IQCM: variants seen among roughly 807,000 people sequenced by gnomAD.
IQCM encodes the protein IQ domain-containing protein M.
In IQCM, 45 loss-of-function variants were observed where a neutral mutation model predicts 57.6. The ratio of observed to expected loss-of-function variants is 0.78; its 90% CI spans 0.62 to 1.00. IQCM has a LOEUF of 1.00. Among genes scored for constraint, IQCM ranks in the 50% least tolerant of loss-of-function variants. The probability of loss-of-function intolerance (pLI) is 0.00; values close to 1 mark genes in which losing one functional copy is unlikely to be tolerated. For missense variants in IQCM, 468 were observed against 511.6 expected, an observed-to-expected ratio of 0.91 and a Z score of 0.82; for synonymous variants, 148 against 158.9, an observed-to-expected ratio of 0.93 and a Z score of 0.51.
At chr4:149,360,558 C>A (rs930042355) in intron 13 of IQCM, among the ~76,000 whole-genome samples, 4 of 152,002 alleles carry the variant, frequency 2.6e-5, no homozygotes, top group Non-Finnish European at 4.4e-5. Flanking sequence ...GTGGGAGGGA[C>A]CCAGGGGGAG....
chr4:149,651,214 A>G (rs954452118), intron 7 of IQCM, among the ~76,000 whole-genome samples: 3 of 152,184 alleles, frequency 2.0e-5, no homozygotes, highest in Admixed American at 2.0e-4. Context: ...GAGCAAATCC[A>G]TTTGAGAAAA....
chr4:149,610,003 T>C (rs1176114422), intron 8 of IQCM, among the ~76,000 whole-genome samples: 3 of 151,776 alleles, frequency 2.0e-5, no homozygotes, highest in Non-Finnish European at 4.4e-5. Context: ...ACCAAAAAAA[T>C]ATTAGAACTG....
At chr4:149,667,549 G>A (rs998317238) in intron 7 of IQCM, among the ~76,000 whole-genome samples, 6 of 152,004 alleles carry the variant, frequency 3.9e-5, no homozygotes, top group African/African-American at 1.4e-4. Flanking sequence ...CTCCTCCCCA[G>A]CAAGGGAACA....
chr4:149,355,194 A>G (rs1728872587), intron 13 of IQCM, among the ~76,000 whole-genome samples: 1 of 152,190 alleles, frequency 6.6e-6, no homozygotes, highest in African/African-American at 2.4e-5. Context: ...GAATACAAAT[A>G]TAAGTACACA....
chr4:149,648,942 T>A (rs1758906066), intron 7 of IQCM, among the ~76,000 whole-genome samples: 1 of 151,312 alleles, frequency 6.6e-6, no homozygotes, highest in South Asian at 2.1e-4. Flanking sequence ...AAAGAAAAAA[T>A]AATTTGCGTA....
intron 13 of IQCM, among the ~76,000 whole-genome samples, chr4:149,359,970 C>T (rs1273765432): frequency 1.3e-5 from 2 of 152,074 alleles, no homozygotes; most frequent in Admixed American, 6.6e-5. Flanking sequence ...TAGCTGAGAG[C>T]TTTCTGGGTC....
At chr4:149,648,151 T>C (rs1220990271) in intron 7 of IQCM, among the ~76,000 whole-genome samples, 3 of 152,232 alleles carry the variant, frequency 2.0e-5, no homozygotes, top group Non-Finnish European at 2.9e-5. Context: ...ACATGGAATA[T>C]AATTGCTTTA....
intron 2 of IQCM, among the ~76,000 whole-genome samples, chr4:149,813,551 A>T (rs1774787043): frequency 6.6e-6 from 1 of 152,084 alleles, no homozygotes; most frequent in Non-Finnish European, 1.5e-5. Context: ...AGCAGTACCA[A>T]TTTCTCTAAA....
intron 9 of IQCM, 27 bp from the exon 10 acceptor site, chr4:149,563,917 T>C (rs1750371279): frequency 4.5e-6 from 5 of 1,100,874 alleles, no homozygotes; most frequent in Non-Finnish European, 5.8e-6. Flanking sequence ...TTTCTTATTA[T>C]ACATAATATG....
chr4:149,632,694 C>G (rs763672168), intron 7 of IQCM, among the ~76,000 whole-genome samples: 4 of 152,166 alleles, frequency 2.6e-5, no homozygotes, highest in Non-Finnish European at 5.9e-5. Context: ...CTTTACTACT[C>G]TCCTAGTCAG....
intron 5 of IQCM, among the ~76,000 whole-genome samples, chr4:149,697,517 C>G (rs917658892): frequency 2.1e-4 from 32 of 152,088 alleles, no homozygotes; most frequent in African/African-American, 7.7e-4. Context: ...TATTTATACC[C>G]TGGGAGTCAG....
intron 8 of IQCM, among the ~76,000 whole-genome samples, chr4:149,598,030 A>T (rs1244947613): frequency 1.3e-5 from 2 of 152,186 alleles, no homozygotes; most frequent in African/African-American, 4.8e-5. Flanking sequence ...CAGAAGACAG[A>T]AGAATGATAA....
chr4:149,730,764 A>G (rs550752168), intron 5 of IQCM, among the ~76,000 whole-genome samples: 1 of 152,242 alleles, frequency 6.6e-6, no homozygotes, highest in Non-Finnish European at 1.5e-5. Flanking sequence ...ACTTTCTATT[A>G]CAGTATGAGT....
intron 2 of IQCM, among the ~76,000 whole-genome samples, chr4:149,782,178 C>T (rs1234677921): frequency 6.6e-6 from 1 of 151,940 alleles, no homozygotes; most frequent in Non-Finnish European, 1.5e-5. Context: ...CCCATTCTGC[C>T]CATGTTATGC....
In IQCM at chr4:149,524,124, C is replaced by T. The variant is rs541549342; in HGVS notation, c.1228+24331G>A. ...ACTGTTATATACCACATAGATGACTCCCAGAAATGTTAAAAGTGAAGGAAG... is the reference window on the plus strand; with the variant it reads ...ACTGTTATATACCACATAGATGACTTCCAGAAATGTTAAAAGTGAAGGAAG... On this transcript the variant is annotated intron_variant, in intron 12 of 13. Coordinates refer to ENST00000636793, the MANE Select transcript of IQCM (RefSeq NM_001363507.2). Among the ~76,000 whole-genome samples the T allele has an allele frequency of 1.2e-4, 19 of 152,076 alleles. No homozygotes were observed. In the South Asian group the frequency reaches 3.7e-3, roughly 30 times the overall value.
intron 5 of IQCM, among the ~76,000 whole-genome samples, chr4:149,713,528 A>G (rs1580097034): frequency 6.6e-6 from 1 of 152,084 alleles, no homozygotes; most frequent in East Asian, 1.9e-4. Flanking sequence ...ATCATCCTCC[A>G]CTTCTCAGTC....
At chr4:149,542,693 T>C (rs1747974418) in intron 12 of IQCM, among the ~76,000 whole-genome samples, 1 of 152,120 alleles carries the variant, frequency 6.6e-6, no homozygotes, top group African/African-American at 2.4e-5. Flanking sequence ...TACAATTTTG[T>C]TTAATATTTA....
At chr4:149,460,039 T>A (rs918325852) in intron 12 of IQCM, among the ~76,000 whole-genome samples, 1 of 152,158 alleles carries the variant, frequency 6.6e-6, no homozygotes, top group Non-Finnish European at 1.5e-5. Context: ...CCACCAACGG[T>A]ACACAAGGGT....
At chr4:149,812,507 C>CACACAG (rs1256118702) in intron 2 of IQCM, among the ~76,000 whole-genome samples, 1 of 126,784 alleles carries the variant, frequency 7.9e-6, no homozygotes, top group Non-Finnish European at 1.7e-5. Flanking sequence ...CACACAGACA[C>CACACAG]ACACACACAC....
Sources: gnomAD v4.1 joint callset for allele counts (sites outside exome capture counted in the v4.1 genomes callset) on GRCh38, gnomAD v4.1.1 for gene constraint, MANE v1.5 for transcripts, NCBI Gene and HGNC (gene_info 2026-07-23, HGNC 2026-07-21) for gene names.